The following ITGA8 variants were observed in gnomAD, a reference collection of about 807,000 sequenced individuals.
ITGA8 encodes the protein integrin alpha-8.
Under a neutral mutation model 142.3 loss-of-function variants are expected in ITGA8, and 91 were observed. The ratio of observed to expected loss-of-function variants is 0.64; its 90% CI spans 0.54 to 0.76. ITGA8 has a LOEUF of 0.76. Ranked by LOEUF, ITGA8 falls within the 30% of genes least tolerant of loss-of-function variation. ITGA8 has a pLI of 0.00. For synonymous variants in ITGA8, 505 were observed against 485.2 expected, an observed-to-expected ratio of 1.04 and a Z score of -0.54; for missense variants, 1,406 against 1,327.7, an observed-to-expected ratio of 1.06 and a Z score of -0.92.
At chr10:15,563,567 C>A (rs1405318395) in intron 25 of ITGA8, among the ~76,000 whole-genome samples, 1 of 152,056 alleles carries the variant, frequency 6.6e-6, no homozygotes, top group Non-Finnish European at 1.5e-5. Flanking sequence ...CAAGATATAG[C>A]CTATTATTAT....
intron 10 of ITGA8, among the ~76,000 whole-genome samples, chr10:15,658,193 G>T (rs1031876552): frequency 1.5e-4 from 23 of 152,178 alleles, no homozygotes; most frequent in African/African-American, 5.5e-4. Context: ...GCTCAAAGAG[G>T]TCAGATGATT....
chr10:15,635,585 T>C (rs890403823), intron 13 of ITGA8, among the ~76,000 whole-genome samples: 4 of 152,166 alleles, frequency 2.6e-5, no homozygotes, highest in South Asian at 2.1e-4. Context: ...CACTCCTCAA[T>C]TGAAGTCCAA....
intron 22 of ITGA8, among the ~76,000 whole-genome samples, chr10:15,587,050 G>A (rs1832844750): frequency 6.6e-6 from 1 of 151,766 alleles, no homozygotes; most frequent in Non-Finnish European, 1.5e-5. Flanking sequence ...AGCCTCCCAA[G>A]TAGCTGAGAC....
chr10:15,601,468 A>G (rs1235870351), intron 20 of ITGA8, among the ~76,000 whole-genome samples: 2 of 152,168 alleles, frequency 1.3e-5, no homozygotes, highest in Non-Finnish European at 2.9e-5. Context: ...TCAGTTTGGA[A>G]TGATGTAAAA....
At chr10:15,611,770 C>T (rs139715291) in intron 15 of ITGA8, among the ~76,000 whole-genome samples, 94 of 150,846 alleles carry the variant, frequency 6.2e-4, no homozygotes, top group African/African-American at 2.0e-3. Context: ...TGAGCCACCG[C>T]GCCCGGCCCC....
In ITGA8 at chr10:15,660,923, C is replaced by G. The variant is rs368685128; in HGVS notation, c.848-1G>C. 2 of 1,613,488 alleles carry G rather than the reference C, an allele frequency of 1.2e-6. No homozygotes were observed. Among genetic ancestry groups the G allele is most frequent in the Non-Finnish European group, 8.5e-7 (1 of 1,179,582 alleles). ...CCTCTTGGAATTCCAGCAACCAATT[C>G]TGGGGATGAAAATAGCCATTTAGAA... is the stretch of plus-strand genomic sequence containing the variant. On this transcript the variant is annotated splice_acceptor_variant, in intron 8 of 29. Transcript: ENST00000378076. LOFTEE classifies it high-confidence loss of function.
At chr10:15,634,537 G>T (rs547505422) in intron 13 of ITGA8, among the ~76,000 whole-genome samples, 1 of 152,138 alleles carries the variant, frequency 6.6e-6, no homozygotes, top group Non-Finnish European at 1.5e-5. Context: ...ATTCGGGCCC[G>T]TGAGAGCAGG....
At chr10:15,583,962 C>T (rs1208312491) in intron 23 of ITGA8, among the ~76,000 whole-genome samples, 5 of 152,134 alleles carry the variant, frequency 3.3e-5, no homozygotes, top group African/African-American at 1.2e-4. Context: ...AAAAGAATTT[C>T]TATACACTAA....
At chr10:15,668,028 A>G (rs1230862203) in intron 8 of ITGA8, among the ~76,000 whole-genome samples, 3 of 152,210 alleles carry the variant, frequency 2.0e-5, no homozygotes, top group East Asian at 1.9e-4. Context: ...GTAGATGTCT[A>G]TTAGGTCCAC....
chr10:15,719,120 C>CT (rs1835508971), intron 1 of ITGA8, among the ~76,000 whole-genome samples: 1 of 152,146 alleles, frequency 6.6e-6, no homozygotes, highest in East Asian at 1.9e-4. Flanking sequence ...AGGTGGAGCT[C>CT]TGTGGGTACA....
rs145952199 is a variant in ITGA8, at chr10:15,520,380, T to G, written c.2983-968A>C. 9.0e-3 allele frequency among the ~76,000 whole-genome samples: 1,371 copies of G among 152,240 alleles called. 14 individuals are homozygous for G. Among genetic ancestry groups the G allele is most frequent in the South Asian group, 0.029 (141 of 4,812 alleles). Reference sequence around the variant, plus strand: ...GTGAGCCAAGATCATGCCACTGCACTCCAGCCTAGGCAACAGGGTGACACT... The same window carrying G: ...GTGAGCCAAGATCATGCCACTGCACGCCAGCCTAGGCAACAGGGTGACACT... On this transcript the variant is annotated intron_variant, in intron 28 of 29. Coordinates refer to ENST00000378076, the MANE Select transcript of ITGA8 (RefSeq NM_003638.3).
intron 19 of ITGA8, 83 bp from the exon 20 acceptor site, chr10:15,604,438 G>T: frequency 8.4e-7 from 1 of 1,192,984 alleles, no homozygotes; most frequent in Non-Finnish European, 1.1e-6. Context: ...TATAGAGGAG[G>T]AAAAGAAAAA....
intron 2 of ITGA8, among the ~76,000 whole-genome samples, chr10:15,706,021 G>A (rs1323319453): frequency 2.0e-5 from 3 of 152,036 alleles, no homozygotes; most frequent in Non-Finnish European, 4.4e-5. Context: ...CTAAGTCATG[G>A]CCTTAAATAT....
At chr10:15,669,164 T>C (rs1588711247) in intron 8 of ITGA8, among the ~76,000 whole-genome samples, 1 of 152,208 alleles carries the variant, frequency 6.6e-6, no homozygotes, top group Admixed American at 6.5e-5. Flanking sequence ...ACCAATCAGA[T>C]GTAGATTTGG....
intron 25 of ITGA8, among the ~76,000 whole-genome samples, chr10:15,562,756 G>T (rs1434008571): frequency 1.3e-5 from 2 of 152,210 alleles, no homozygotes; most frequent in African/African-American, 4.8e-5. Flanking sequence ...GTAGGCCTTG[G>T]ATAGCCCAGC....
At chr10:15,657,369 C>T (rs949452793) in intron 10 of ITGA8, among the ~76,000 whole-genome samples, 4 of 152,082 alleles carry the variant, frequency 2.6e-5, no homozygotes, top group Non-Finnish European at 4.4e-5. Context: ...TTTCTCCAAA[C>T]CTTCCAAAAG....
At chr10:15,524,005 C>A (rs1209031417) in intron 28 of ITGA8, among the ~76,000 whole-genome samples, 2 of 152,124 alleles carry the variant, frequency 1.3e-5, no homozygotes, top group East Asian at 1.9e-4. Flanking sequence ...ATATGATATG[C>A]ATTTCCTCCA....
rs1393367082 is a variant in ITGA8 at position 15,644,952 on chromosome 10, GC to G, written c.1208-732del. Among the ~76,000 whole-genome samples, 6 of 151,768 alleles carry G rather than the reference GC, an allele frequency of 4.0e-5. No homozygotes were observed. The East Asian group carries it at 9.7e-4, about 25-fold the overall frequency. On this transcript the variant is annotated intron_variant, in intron 12 of 29. Transcript: ENST00000378076. The stretch of plus-strand genomic sequence containing the variant: ...ACTAAAAATACAAAAAATTAGCCTG[GC>G]GTAGTGGCGGGCGCCTGTAATCCCA...
chr10:15,643,630 C>A lies in ITGA8; in HGVS notation c.1399+400G>T, dbSNP rs375746706. Among the ~76,000 whole-genome samples the A allele has an allele frequency of 2.2e-4, 33 of 152,252 alleles. No individual in the cohort carries two copies. In the South Asian group the frequency reaches 6.2e-3, roughly 29 times the overall value. ...AAAAACATGAGCTTCATGACAGACA[C>A]GTTGAGGTTCATGCTATAATAGGAG... On this transcript the variant is annotated intron_variant, in intron 13 of 29. Transcript: ENST00000378076.
Sources: allele counts gnomAD v4.1 joint callset (sites outside exome capture counted in the v4.1 genomes callset), GRCh38; gene constraint gnomAD v4.1.1; transcripts MANE v1.5; gene names NCBI Gene and HGNC (gene_info 2026-07-23, HGNC 2026-07-21).